SH3KBP1: variants seen among roughly 807,000 people sequenced by gnomAD.
The protein encoded by SH3KBP1 is SH3 domain-containing kinase-binding protein 1.
Under a neutral mutation model 50.1 loss-of-function variants are expected in SH3KBP1, and 8 were observed. The ratio of observed to expected loss-of-function variants is 0.16; its 90% CI spans 0.09 to 0.29. SH3KBP1 has a LOEUF of 0.29. Ranked by LOEUF, SH3KBP1 falls within the 10% of genes least tolerant of loss-of-function variation. The pLI is 1.00. For synonymous variants in SH3KBP1, 227 were observed against 218.6 expected (o/e 1.04, Z -0.34); for missense variants, 377 against 535.2 (o/e 0.70, Z 2.92).
At chrX:19,841,912 G>A (rs896484499) in intron 1 of SH3KBP1, among the ~76,000 whole-genome samples, 8 of 85,759 alleles carry the variant, frequency 9.3e-5, no homozygotes, top group Non-Finnish European at 1.6e-4. Context: ...TGATGCGGGC[G>A]GGGGGGTGGG....
Position 19,646,028 on chromosome X carries a change from C to T in SH3KBP1, c.727-553G>A, listed in dbSNP as rs1311231244. 7.2e-5 allele frequency among the ~76,000 whole-genome samples: 8 copies of T among 111,077 alleles called. No homozygotes were observed. The East Asian group carries it at 2.3e-3, about 31-fold the overall frequency. On this transcript the variant is annotated intron_variant, in intron 6 of 17. Coordinates refer to ENST00000397821, the MANE Select transcript of SH3KBP1 (RefSeq NM_031892.3). ...TAGCCATCTAGAATTCCACCTGCCT[C>T]CCAGAGAAAGGGGAGATACTCTCAT... is the stretch of plus-strand genomic sequence containing the variant.
At chrX:19,730,836 T>C (rs2064355043) in intron 3 of SH3KBP1, among the ~76,000 whole-genome samples, 1 of 112,267 alleles carries the variant, frequency 8.9e-6, no homozygotes, top group South Asian at 3.7e-4. Context: ...AAGGAAAAGC[T>C]AGGTCTGGCC....
At chrX:19,863,191 C>G (rs1041986153) in intron 1 of SH3KBP1, among the ~76,000 whole-genome samples, 1 of 111,408 alleles carries the variant, frequency 9.0e-6, no homozygotes, top group African/African-American at 3.3e-5. Context: ...AAACAGACTG[C>G]AGTGTGCTCT....
chrX:19,807,457 T>C (rs764686588), intron 2 of SH3KBP1, among the ~76,000 whole-genome samples: 42 of 111,116 alleles, frequency 3.8e-4, no homozygotes, highest in African/African-American at 1.3e-3. Context: ...TGGATGGCTC[T>C]TAGCAATGGC....
chrX:19,583,661 G>C (rs1486896357), intron 12 of SH3KBP1, among the ~76,000 whole-genome samples: 2 of 109,139 alleles, frequency 1.8e-5, no homozygotes, highest in Admixed American at 1.0e-4. Context: ...ACTGCTGACT[G>C]ATGTCACTGT....
intron 6 of SH3KBP1, among the ~76,000 whole-genome samples, chrX:19,660,353 C>T (rs1205937991): frequency 1.8e-5 from 2 of 112,434 alleles, no homozygotes; most frequent in Non-Finnish European, 3.8e-5. Flanking sequence ...ATGATGGTTT[C>T]GATTACAACT....
At chrX:19,836,090 C>T (rs1233705986) in intron 2 of SH3KBP1, 35 bp downstream of exon 2, 1 of 1,194,289 alleles carries the variant, frequency 8.4e-7, no homozygotes, top group Admixed American at 2.2e-5. Context: ...AGAGCCCACA[C>T]AGGAGACAGG....
At chrX:19,698,001 T>C (rs2063460726) in intron 4 of SH3KBP1, among the ~76,000 whole-genome samples, 1 of 112,276 alleles carries the variant, frequency 8.9e-6, no homozygotes. Flanking sequence ...TTTCGCAGCA[T>C]TTCCACTGAA....
intron 2 of SH3KBP1, among the ~76,000 whole-genome samples, chrX:19,832,441 A>C (rs1286795759): frequency 8.9e-6 from 1 of 111,802 alleles, no homozygotes; most frequent in African/African-American, 3.3e-5. Context: ...AAGTGGGATT[A>C]ATACTCTTTC....
At chrX:19,686,069 G>A (rs993083869) in intron 5 of SH3KBP1, among the ~76,000 whole-genome samples, 15 of 111,393 alleles carry the variant, frequency 1.3e-4, no homozygotes, top group South Asian at 1.1e-3. Context: ...ACTAATCACC[G>A]TGAGAAATAC....
chrX:19,738,519 T>A (rs2064662917), intron 3 of SH3KBP1, among the ~76,000 whole-genome samples: 1 of 109,479 alleles, frequency 9.1e-6, no homozygotes, highest in Non-Finnish European at 1.9e-5. Context: ...TGGTGCAATG[T>A]GATTGAACCC....
At chrX:19,770,431 C>G (rs2065756419) in intron 2 of SH3KBP1, among the ~76,000 whole-genome samples, 2 of 112,065 alleles carry the variant, frequency 1.8e-5, no homozygotes, top group South Asian at 7.4e-4. Flanking sequence ...TTTTCTTTAT[C>G]CAATCTATCA....
intron 6 of SH3KBP1, among the ~76,000 whole-genome samples, chrX:19,650,017 C>A (rs776924874): frequency 8.9e-6 from 1 of 111,856 alleles, no homozygotes; most frequent in Admixed American, 9.5e-5. Flanking sequence ...AGAAGAAAAT[C>A]TCTGAAAATC....
chrX:19,767,410 G>A (rs1479820078), intron 2 of SH3KBP1, among the ~76,000 whole-genome samples: 2 of 112,526 alleles, frequency 1.8e-5, no homozygotes, highest in Non-Finnish European at 3.8e-5. Context: ...GCTGTGAGGT[G>A]ATTTTCTTTA....
chrX:19,579,692 A>G (rs1443182605), intron 12 of SH3KBP1, among the ~76,000 whole-genome samples: 1 of 111,462 alleles, frequency 9.0e-6, no homozygotes, highest in Non-Finnish European at 1.9e-5. Flanking sequence ...GAGAGAAGAT[A>G]ATATGTACAA....
chrX:19,685,047 C>T (rs966639712), intron 5 of SH3KBP1, among the ~76,000 whole-genome samples: 2 of 112,352 alleles, frequency 1.8e-5, no homozygotes, highest in African/African-American at 6.5e-5. Flanking sequence ...ATACTAAACT[C>T]TGTCATTAAC....
intron 2 of SH3KBP1, among the ~76,000 whole-genome samples, chrX:19,799,431 G>A (rs926705704): frequency 8.9e-6 from 1 of 111,833 alleles, no homozygotes; most frequent in African/African-American, 3.3e-5. Flanking sequence ...CAAGGGCTTA[G>A]TGAAAGAAAT....
chrX:19,595,294 C>G (rs1242841694), intron 9 of SH3KBP1, among the ~76,000 whole-genome samples: 5 of 112,673 alleles, frequency 4.4e-5, no homozygotes, highest in African/African-American at 1.6e-4. Flanking sequence ...GGCCTGAAAC[C>G]AGCAAGCACA....
At chrX:19,611,338 T>G (rs1345719263) in intron 8 of SH3KBP1, among the ~76,000 whole-genome samples, 1 of 111,485 alleles carries the variant, frequency 9.0e-6, no homozygotes, top group African/African-American at 3.3e-5. Flanking sequence ...TTTTTTGTGG[T>G]TTTTTTGTTT....
Sources: gnomAD v4.1 joint callset for allele counts (sites outside exome capture counted in the v4.1 genomes callset) on GRCh38, gnomAD v4.1.1 for gene constraint, MANE v1.5 for transcripts, NCBI Gene and HGNC (gene_info 2026-07-23, HGNC 2026-07-21) for gene names.